SLC9B1: variants seen among roughly 807,000 people sequenced by gnomAD.
SLC9B1 encodes solute carrier family 9 member B1.
Under a neutral mutation model 51.7 loss-of-function variants are expected in SLC9B1, and 32 were observed. That is an observed-to-expected ratio of 0.62 (90% CI 0.47 to 0.83). The LOEUF (loss-of-function observed/expected upper bound fraction) is 0.83, where lower values mean the gene tolerates loss of function less well. SLC9B1 is among the 40% of genes least tolerant of loss of function. The probability of loss-of-function intolerance (pLI) is 0.00; values close to 1 mark genes in which losing one functional copy is unlikely to be tolerated. For missense variants in SLC9B1, 406 were observed against 613.2 expected, an observed-to-expected ratio of 0.66 and a Z score of 3.57; for synonymous variants, 145 against 212.7, an observed-to-expected ratio of 0.68 and a Z score of 2.77.
intron 7 of SLC9B1, among the ~76,000 whole-genome samples, chr4:102,931,069 A>T (rs1450488771): frequency 2.0e-5 from 3 of 151,628 alleles, no homozygotes; most frequent in Admixed American, 6.6e-5. Context: ...CTAAAAATAT[A>T]AAAAAAATTA....
At chr4:102,896,805 C>G (rs753411029), downstream of SLC9B1, 10 of 152,460 alleles carry the variant, frequency 6.6e-5, no homozygotes, top group Non-Finnish European at 1.3e-4. Flanking sequence ...GACACAGAAG[C>G]AGCTGAAAGT....
intron 11 of SLC9B1, chr4:102,888,493 C>T (rs1214580915): frequency 6.6e-6 from 1 of 152,236 alleles, no homozygotes; most frequent in Non-Finnish European, 1.5e-5. Context: ...CGTAATTGTA[C>T]CCACCCAGTT....
chr4:102,994,022 C>T (rs890297687), intron 1 of SLC9B1, among the ~76,000 whole-genome samples: 2 of 152,166 alleles, frequency 1.3e-5, no homozygotes, highest in Admixed American at 6.5e-5. Context: ...ATGGGAGGGG[C>T]TGCCACAAAG....
chr4:103,003,761 G>A (rs1412375492), intron 1 of SLC9B1, among the ~76,000 whole-genome samples: 2 of 152,108 alleles, frequency 1.3e-5, no homozygotes, highest in Non-Finnish European at 2.9e-5. Context: ...CTAACCTTGA[G>A]GGGCCAGAGA....
intron 3 of SLC9B1, among the ~76,000 whole-genome samples, chr4:102,980,615 A>C (rs146971769): frequency 0.014 from 2,204 of 152,302 alleles, 25 homozygotes; most frequent in South Asian, 0.022. Context: ...ATTAGGAAGA[A>C]TAGCTAATGG....
chr4:102,985,544 T>C (rs1213452049), intron 3 of SLC9B1, among the ~76,000 whole-genome samples: 2 of 152,134 alleles, frequency 1.3e-5, no homozygotes, highest in African/African-American at 4.8e-5. Flanking sequence ...CTTTTCTTTT[T>C]TTTTTTCTTC....
intron 1 of SLC9B1, among the ~76,000 whole-genome samples, chr4:103,000,913 C>T (rs1740488612): frequency 6.6e-6 from 1 of 152,238 alleles, no homozygotes; most frequent in African/African-American, 2.4e-5. Flanking sequence ...GTGAGGGGGT[C>T]CAACCCTACA....
chr4:102,921,114 T>C (rs1735852102), intron 7 of SLC9B1, among the ~76,000 whole-genome samples: 1 of 152,116 alleles, frequency 6.6e-6, no homozygotes, highest in Non-Finnish European at 1.5e-5. Flanking sequence ...ACTTATCAGA[T>C]TCACCAAGGT....
Position 103,011,211 on chromosome 4 carries a change from C to T in SLC9B1, c.-2+8388G>A, listed in dbSNP as rs550875033. Among the ~76,000 whole-genome samples the T allele has an allele frequency of 2.6e-5, 4 of 152,316 alleles. No homozygotes were observed. The South Asian group carries it at 6.2e-4, about 24-fold the overall frequency. On this transcript the variant is annotated intron_variant, in intron 1 of 11. Transcript: ENST00000296422. ...GAAAAGGAGAAAGGGGTAATAAGTT[C>T]CAAGTAAGTCCCAAACCCAGCAAGG...
intron 5 of SLC9B1, among the ~76,000 whole-genome samples, chr4:102,946,209 C>T (rs903281169): frequency 6.6e-6 from 1 of 152,170 alleles, no homozygotes; most frequent in African/African-American, 2.4e-5. Context: ...ACAACACAGT[C>T]AATTCTCTTC....
intron 7 of SLC9B1, among the ~76,000 whole-genome samples, chr4:102,928,189 A>C (rs1239432128): frequency 2.6e-5 from 4 of 152,196 alleles, no homozygotes; most frequent in Non-Finnish European, 4.4e-5. Context: ...TCAAACCTGC[A>C]TGTTGTGCAC....
intron 7 of SLC9B1, among the ~76,000 whole-genome samples, chr4:102,918,723 T>A (rs1162352280): frequency 6.6e-6 from 1 of 152,120 alleles, no homozygotes; most frequent in Admixed American, 6.5e-5. Context: ...CTATCTATAG[T>A]GAATATAGTG....
chr4:102,955,839 G>A (rs1329849933), intron 3 of SLC9B1, among the ~76,000 whole-genome samples: 2 of 124,874 alleles, frequency 1.6e-5, no homozygotes, highest in South Asian at 2.6e-4. Context: ...GAAAGAAAGA[G>A]AGAGAGAAAG....
At chr4:102,923,364 C>G (rs1437892232) in intron 7 of SLC9B1, among the ~76,000 whole-genome samples, 2 of 152,242 alleles carry the variant, frequency 1.3e-5, no homozygotes, top group African/African-American at 2.4e-5. Context: ...ATTCAACAGC[C>G]CTTCATGCTA....
At chr4:103,005,021 C>T (rs1469686597) in intron 1 of SLC9B1, among the ~76,000 whole-genome samples, 1 of 151,972 alleles carries the variant, frequency 6.6e-6, no homozygotes, top group Non-Finnish European at 1.5e-5. Context: ...AAAGTAGAAA[C>T]TACACAATCA....
intron 6 of SLC9B1, among the ~76,000 whole-genome samples, chr4:102,936,188 T>A (rs1048341155): frequency 1.3e-5 from 2 of 152,166 alleles, no homozygotes; most frequent in Non-Finnish European, 2.9e-5. Flanking sequence ...AATGAAGCCA[T>A]TTGACTGAAC....
intron 3 of SLC9B1, among the ~76,000 whole-genome samples, chr4:102,980,840 A>C (rs1284218165): frequency 6.6e-6 from 1 of 152,190 alleles, no homozygotes; most frequent in Non-Finnish European, 1.5e-5. Context: ...AACCTATATT[A>C]ACACATCATG....
intron 11 of SLC9B1, chr4:102,891,611 A>G (rs1026271234): frequency 2.0e-5 from 3 of 152,228 alleles, no homozygotes; most frequent in Non-Finnish European, 2.9e-5. Flanking sequence ...AACATGTTGG[A>G]AAATTTATAT....
intron 7 of SLC9B1, among the ~76,000 whole-genome samples, chr4:102,928,100 G>A (rs1211754188): frequency 1.3e-5 from 2 of 152,146 alleles, no homozygotes; most frequent in South Asian, 2.1e-4. Flanking sequence ...GGGGGAGGGA[G>A]AGCATTAGGA....
Sources: gnomAD v4.1 joint callset for allele counts (sites outside exome capture counted in the v4.1 genomes callset) on GRCh38, gnomAD v4.1.1 for gene constraint, MANE v1.5 for transcripts, NCBI Gene and HGNC (gene_info 2026-07-23, HGNC 2026-07-21) for gene names.